MRLN: variants seen among roughly 807,000 people sequenced by gnomAD.
MRLN encodes the protein Linc-RNA activator of myogenesis.
chr10:59,745,897 CA>C lies in MRLN; in HGVS notation c.-124-7336del, dbSNP rs201860031. ...TTTTCTAAATGGCTTGGTCCCCTGG[CA>C]AAAAAAACCACAACAACAAAAAAAC... On this transcript the variant is annotated intron_variant, in intron 1 of 2. Coordinates refer to ENST00000414264, the MANE Select transcript of MRLN (RefSeq NM_001304731.2). Among the ~76,000 whole-genome samples, 595 of 151,116 alleles carry C rather than the reference CA, an allele frequency of 3.9e-3. 5 individuals carry two copies. The highest frequency in any genetic ancestry group is 0.013 in the African/African-American group (542 of 41,170).
chr10:59,751,733 C>T (rs930210947), intron 1 of MRLN, among the ~76,000 whole-genome samples: 2 of 149,136 alleles, frequency 1.3e-5, no homozygotes, highest in Non-Finnish European at 3.0e-5. Context: ...TAAGCCCATT[C>T]TGACTTTTAT....
At position 59,742,895 on chromosome 10, in the gene MRLN, G is replaced by A. The variant is rs1340270564; in HGVS notation, c.-124-4333C>T. Among the ~76,000 whole-genome samples the A allele has an allele frequency of 6.6e-5, 10 of 152,034 alleles. No homozygotes were observed. In the South Asian group the frequency reaches 1.9e-3, roughly 28 times the overall value. On this transcript the variant is annotated intron_variant, in intron 1 of 2. Transcript: ENST00000414264. ...AGGCACATGCAACCACACCCAGGTA[G>A]TTTATTTTTATTTTTGTAGAGACAG...
At chr10:59,741,828 A>G (rs1589016390) in intron 1 of MRLN, among the ~76,000 whole-genome samples, 1 of 152,040 alleles carries the variant, frequency 6.6e-6, no homozygotes, top group African/African-American at 2.4e-5. Context: ...ACAGGTGTGC[A>G]CCGCCTTGCC....
chr10:59,750,243 G>C (rs1358587933), intron 1 of MRLN, among the ~76,000 whole-genome samples: 1 of 151,704 alleles, frequency 6.6e-6, no homozygotes, highest in Non-Finnish European at 1.5e-5. Flanking sequence ...GTTAATTTTT[G>C]TATTTTTAGT....
intron 2 of MRLN, among the ~76,000 whole-genome samples, chr10:59,737,607 G>A (rs1278490908): frequency 7.3e-5 from 10 of 136,584 alleles, no homozygotes; most frequent in Non-Finnish European, 1.5e-4. Context: ...GTGTTACCAG[G>A]AAGTGAGAAT....
Position 59,736,991 on chromosome 10 carries a change from C to T in MRLN, c.*69G>A. On this transcript the variant is annotated 3_prime_UTR_variant, in exon 3 of 3. Coordinates refer to ENST00000414264, the MANE Select transcript of MRLN (RefSeq NM_001304731.2). Reference sequence around the variant, plus strand: ...ATGTCATAAAATGTGAGTCACTCAACAAGTTAAAATACAAATTTTTATTCA... The same window carrying T: ...ATGTCATAAAATGTGAGTCACTCAATAAGTTAAAATACAAATTTTTATTCA... 1 of 386,056 alleles carries T rather than the reference C, an allele frequency of 2.6e-6. No homozygotes were observed. The highest frequency in any genetic ancestry group is 4.6e-6 in the Non-Finnish European group (1 of 217,716). 23.9% of individuals were successfully genotyped at this position (386,056 alleles called of 1,614,324 possible).
chr10:59,748,094 T>G (rs1266616015), intron 1 of MRLN, among the ~76,000 whole-genome samples: 3 of 150,768 alleles, frequency 2.0e-5, no homozygotes, highest in Admixed American at 6.6e-5. Flanking sequence ...TTCTTTTGTT[T>G]TTTTTTTTTT....
At chr10:59,753,331 A>G (rs905262103) in intron 1 of MRLN, 23 bp downstream of exon 1, 4 of 132,816 alleles carry the variant, frequency 3.0e-5, no homozygotes, top group Admixed American at 2.9e-4. Context: ...ACAAAACAAA[A>G]CAAACAAAAA....
In MRLN at chr10:59,736,946, G is replaced by C. The variant is rs140987653; in HGVS notation, c.*114C>G. ...TTGTTTGTATTGCAGTGTCCTGTTG[G>C]CTTCTAGAATAAATTGGCAATGTCA... On this transcript the variant is annotated 3_prime_UTR_variant, in exon 3 of 3. Transcript: ENST00000414264. 1.3e-5 allele frequency: 5 copies of C among 374,788 alleles called. No homozygotes were observed. Among genetic ancestry groups the C allele is most frequent in the African/African-American group, 1.0e-4 (5 of 48,128 alleles). 23.2% of individuals were successfully genotyped at this position (374,788 alleles called of 1,614,324 possible). A position where few individuals can be genotyped will look rare whatever the true frequency, so the allele number is the denominator to read the frequency against.
At chr10:59,746,464 A>T (rs911164968) in intron 1 of MRLN, among the ~76,000 whole-genome samples, 13 of 152,272 alleles carry the variant, frequency 8.5e-5, no homozygotes, top group African/African-American at 2.2e-4. Context: ...TGCTCTTTCA[A>T]CTATACTGAT....
Position 59,737,696 on chromosome 10 carries a change from T to A in MRLN, c.-20-476A>T, listed in dbSNP as rs1257155936. 2.0e-5 allele frequency among the ~76,000 whole-genome samples: 3 copies of A among 152,042 alleles called. No homozygotes were observed. The East Asian group carries it at 5.8e-4, about 29-fold the overall frequency. ...ATTTTTCTTTCCTCAAGATCCTGTC[T>A]GTCATGTTTTGGTTACTTACTAAGA... On this transcript the variant is annotated intron_variant, in intron 2 of 2. Coordinates refer to ENST00000414264, the MANE Select transcript of MRLN (RefSeq NM_001304731.2).
intron 1 of MRLN, among the ~76,000 whole-genome samples, chr10:59,747,359 T>A (rs934919386): frequency 1.3e-5 from 2 of 152,222 alleles, no homozygotes; most frequent in Non-Finnish European, 2.9e-5. Context: ...CTACGTTAAC[T>A]CTGTGCCTCA....
intron 1 of MRLN, among the ~76,000 whole-genome samples, chr10:59,750,488 A>G (rs188845745): frequency 9.2e-5 from 14 of 152,362 alleles, no homozygotes; most frequent in African/African-American, 1.4e-4. Context: ...ATTTTTCTAC[A>G]TATGAACAAA....
chr10:59,747,614 A>G (rs1841055324), intron 1 of MRLN, among the ~76,000 whole-genome samples: 1 of 152,084 alleles, frequency 6.6e-6, no homozygotes, highest in African/African-American at 2.4e-5. Context: ...ATTCAATCTC[A>G]CCTCCTCTGT....
intron 1 of MRLN, among the ~76,000 whole-genome samples, chr10:59,746,495 A>G (rs942580476): frequency 3.3e-5 from 5 of 152,070 alleles, no homozygotes; most frequent in African/African-American, 1.2e-4. Flanking sequence ...TTTAAAATGA[A>G]AAGTTACTTT....
chr10:59,748,638 T>C (rs1226995924), intron 1 of MRLN, among the ~76,000 whole-genome samples: 3 of 152,216 alleles, frequency 2.0e-5, no homozygotes, highest in East Asian at 3.8e-4. Context: ...GAAAAGATAT[T>C]GGAGCTTTTG....
At chr10:59,750,670 A>G (rs533004250) in intron 1 of MRLN, among the ~76,000 whole-genome samples, 68 of 152,366 alleles carry the variant, frequency 4.5e-4, no homozygotes, top group Non-Finnish European at 8.1e-4. Flanking sequence ...AATGTTATCA[A>G]CCTTCTCCCT....
At chr10:59,742,196 TA>T (rs1007909645) in intron 1 of MRLN, among the ~76,000 whole-genome samples, 43 of 152,244 alleles carry the variant, frequency 2.8e-4, no homozygotes, top group African/African-American at 1.0e-3. Flanking sequence ...AGTACACGGA[TA>T]AATTGTGGCA....
At chr10:59,751,265 G>A (rs2132596842) in intron 1 of MRLN, among the ~76,000 whole-genome samples, 1 of 152,316 alleles carries the variant, frequency 6.6e-6, no homozygotes, top group Non-Finnish European at 1.5e-5. Flanking sequence ...TTTCCACAGA[G>A]CTTGGAACAA....
Sources: gnomAD v4.1 joint callset for allele counts (sites outside exome capture counted in the v4.1 genomes callset) on GRCh38, gnomAD v4.1.1 for gene constraint, MANE v1.5 for transcripts, NCBI Gene and HGNC (gene_info 2026-07-23, HGNC 2026-07-21) for gene names.